Variants in ARHGEF9 observed in about 807,000 individuals in gnomAD.
ARHGEF9 encodes rho guanine nucleotide exchange factor 9.
ARHGEF9 carries 2 observed loss-of-function variants against 41.3 expected under a neutral mutation model. The observed-to-expected ratio is 0.05, with a 90% CI of 0.02 to 0.15. The LOEUF is 0.15. Ranked by LOEUF, ARHGEF9 falls within the 10% of genes least tolerant of loss-of-function variation. ARHGEF9 has a pLI of 1.00. For missense variants in ARHGEF9, 225 were observed against 424.7 expected, an observed-to-expected ratio of 0.53 and a Z score of 4.13; for synonymous variants, 160 against 154.4, an observed-to-expected ratio of 1.04 and a Z score of -0.27.
At position 63,636,463 on chromosome X, in the gene ARHGEF9, A is replaced by T. The variant is rs1345832638; in HGVS notation, c.*1565T>A. On this transcript the variant is annotated 3_prime_UTR_variant, in exon 10 of 10. Transcript: ENST00000671741. ...GCTGGCCAAAAGCGAGCCTGAGGGT[A>T]GCATCCCTGCCTCAGACACGTTATT... The T allele has an allele frequency of 8.5e-6, 1 of 118,332 alleles. No individual in the cohort carries two copies. Among genetic ancestry groups the T allele is most frequent in the Non-Finnish European group, 1.7e-5 (1 of 57,750 alleles). 9.8% of individuals were successfully genotyped at this position (118,332 alleles called of 1,213,427 possible). A position where few individuals can be genotyped will look rare whatever the true frequency, so the allele number is the denominator to read the frequency against.
intron 7 of ARHGEF9, among the ~76,000 whole-genome samples, chrX:63,659,226 C>T (rs1342010339): frequency 8.9e-6 from 1 of 112,162 alleles, no homozygotes; most frequent in African/African-American, 3.2e-5. Context: ...GTCCTCTGCA[C>T]ATGGCAAGGG....
At chrX:63,639,109 A>G (rs2047466141) in intron 9 of ARHGEF9, among the ~76,000 whole-genome samples, 1 of 111,795 alleles carries the variant, frequency 8.9e-6, no homozygotes, top group Non-Finnish European at 1.9e-5. Context: ...TGCTGCTCCC[A>G]AATACCTTCC....
chrX:63,670,067 G>A (rs1221293581), intron 6 of ARHGEF9: 5 of 111,650 alleles, frequency 4.5e-5, no homozygotes, highest in East Asian at 2.8e-4. Flanking sequence ...GAGCCCGAGC[G>A]AAGAGGCCTC....
chrX:63,646,292 G>A (rs2048059922), intron 8 of ARHGEF9, among the ~76,000 whole-genome samples: 1 of 112,108 alleles, frequency 8.9e-6, no homozygotes, highest in Admixed American at 9.5e-5. Context: ...TTTTAGACAT[G>A]AAGTCCTTGC....
intron 4 of ARHGEF9, among the ~76,000 whole-genome samples, chrX:63,695,118 C>T (rs2051648929): frequency 9.0e-6 from 1 of 111,555 alleles, no homozygotes; most frequent in African/African-American, 3.3e-5. Flanking sequence ...GGACATTTGT[C>T]AATGTCTGGA....
chrX:63,784,227 G>A (rs1199308861), intron 1 of ARHGEF9, among the ~76,000 whole-genome samples: 1 of 111,869 alleles, frequency 8.9e-6, no homozygotes, highest in Non-Finnish European at 1.9e-5. Context: ...AAAGTCATGG[G>A]GGCCTCCCAC....
In ARHGEF9 at chrX:63,751,986, T is replaced by C. The variant is rs1435931601; in HGVS notation, c.31-27275A>G. 4.5e-5 allele frequency among the ~76,000 whole-genome samples: 5 copies of C among 111,355 alleles called. No homozygotes were observed. In the South Asian group the frequency reaches 1.1e-3, roughly 25 times the overall value. On this transcript the variant is annotated intron_variant, in intron 1 of 9. Coordinates refer to ENST00000671741, the MANE Select transcript of ARHGEF9 (RefSeq NM_001353921.2). ...GTCATAAACCTAGATCAAAGACTAGTCTCAGAGACCCCTTCTCCCCTTGGG... is the reference window on the plus strand; with the variant it reads ...GTCATAAACCTAGATCAAAGACTAGCCTCAGAGACCCCTTCTCCCCTTGGG...
chrX:63,648,486 C>T (rs2048289582), intron 8 of ARHGEF9, among the ~76,000 whole-genome samples: 1 of 111,640 alleles, frequency 9.0e-6, no homozygotes, highest in South Asian at 3.8e-4. Flanking sequence ...GTACCAGCCA[C>T]TGCAAAAGCA....
At chrX:63,775,849 AAAAT>A (rs1297095096) in intron 1 of ARHGEF9, among the ~76,000 whole-genome samples, 1 of 111,988 alleles carries the variant, frequency 8.9e-6, no homozygotes, top group African/African-American at 3.2e-5. Context: ...ATAAAAATAA[AAAAT>A]AAAATCAAAA....
intron 1 of ARHGEF9, among the ~76,000 whole-genome samples, chrX:63,782,593 C>A (rs1184224035): frequency 8.9e-6 from 1 of 112,645 alleles, no homozygotes; most frequent in African/African-American, 3.2e-5. Context: ...ACATGTAACA[C>A]TTGAAATAAG....
chrX:63,721,961 C>G (rs782686988), intron 2 of ARHGEF9, among the ~76,000 whole-genome samples: 1 of 111,755 alleles, frequency 8.9e-6, no homozygotes, highest in South Asian at 3.8e-4. Flanking sequence ...GTGAATAGGT[C>G]AAGACACATA....
chrX:63,765,757 C>G (rs1556451556), intron 1 of ARHGEF9, among the ~76,000 whole-genome samples: 2 of 112,110 alleles, frequency 1.8e-5, no homozygotes, highest in Non-Finnish European at 3.8e-5. Context: ...TAAAAATTGT[C>G]ATGCTAGAGT....
Position 63,697,170 on chromosome X carries a change from A to T in ARHGEF9, c.537T>A (p.Asn179Lys). Residue 179 changes from asparagine to lysine, a missense_variant, in exon 4 of 10, where the codon AAT becomes AAA. By Grantham distance (94) the Asn-to-Lys change is moderately conservative (BLOSUM62 0). Coordinates refer to ENST00000671741, the MANE Select transcript of ARHGEF9 (RefSeq NM_001353921.2). ...CTATCTCGCTGAGGTGGGGGTCATC[A>T]TTGTTATACTGTTTCTCCAGGTCTC... Reference protein sequence around the residue: ...FVRDLEKQYNNDDPHLSEIGP... With the variant: ...FVRDLEKQYNKDDPHLSEIGP... 1 of 1,210,800 alleles carries T rather than the reference A, an allele frequency of 8.3e-7. No homozygotes were observed.
At chrX:63,643,330 G>A (rs782549975) in intron 9 of ARHGEF9, among the ~76,000 whole-genome samples, 67 of 110,332 alleles carry the variant, frequency 6.1e-4, no homozygotes, top group South Asian at 3.9e-3. Flanking sequence ...CCTCCAGACC[G>A]GTGACAGAAA....
chrX:63,723,513 C>T (rs180804695), intron 2 of ARHGEF9, among the ~76,000 whole-genome samples: 5 of 111,834 alleles, frequency 4.5e-5, no homozygotes, highest in African/African-American at 6.5e-5. Flanking sequence ...GATAGGCTGT[C>T]GTAAGGATAG....
rs782279029 is a variant in ARHGEF9, at chrX:63,781,795, T to C, written c.30+3321A>G. On this transcript the variant is annotated intron_variant, in intron 1 of 9. Coordinates refer to ENST00000671741, the MANE Select transcript of ARHGEF9 (RefSeq NM_001353921.2). ...GAATAATGCCCTATAAAAGTGGCTG[T>C]TTTCTCTCTGATTTCATCTATCCTT... Among the ~76,000 whole-genome samples the C allele has an allele frequency of 1.8e-3, 204 of 112,116 alleles. 1 individual carries two copies. Among genetic ancestry groups the C allele is most frequent in the African/African-American group, 6.5e-3 (202 of 30,862 alleles).
At chrX:63,771,913 G>A (rs2056212220) in intron 1 of ARHGEF9, among the ~76,000 whole-genome samples, 1 of 111,480 alleles carries the variant, frequency 9.0e-6, no homozygotes, top group South Asian at 3.8e-4. Flanking sequence ...GAGCAAGAAG[G>A]AATTCTGACA....
chrX:63,699,985 C>T (rs1364758308), intron 3 of ARHGEF9, among the ~76,000 whole-genome samples: 5 of 111,621 alleles, frequency 4.5e-5, no homozygotes, highest in Non-Finnish European at 7.5e-5. Context: ...TTTAAACTTC[C>T]TCTAATGCTG....
In ARHGEF9 at chrX:63,636,353, C is replaced by T. The variant is rs1251185939; in HGVS notation, c.*1675G>A. The T allele has an allele frequency of 8.9e-6, 1 of 111,765 alleles. No individual in the cohort carries two copies. Among genetic ancestry groups the T allele is most frequent in the East Asian group, 2.8e-4 (1 of 3,559 alleles). 9.2% of individuals were successfully genotyped at this position (111,765 alleles called of 1,213,427 possible). A position where few individuals can be genotyped will look rare whatever the true frequency, so the allele number is the denominator to read the frequency against. On this transcript the variant is annotated 3_prime_UTR_variant, in exon 10 of 10. Transcript: ENST00000671741. The stretch of plus-strand genomic sequence containing the variant: ...GTTCAAGGTCTATCCATGAAAAGGG[C>T]TATGTGTGGAGGAAAAACAGGTACT...
Sources: gnomAD v4.1 joint callset for allele counts (sites outside exome capture counted in the v4.1 genomes callset) on GRCh38, gnomAD v4.1.1 for gene constraint, MANE v1.5 for transcripts, NCBI Gene and HGNC (gene_info 2026-07-23, HGNC 2026-07-21) for gene names.